The following ATAD1 variants were observed in gnomAD, a reference collection of about 807,000 sequenced individuals.
ATAD1 encodes ATPase family AAA domain containing 1.
In ATAD1, 18 loss-of-function variants were observed where a neutral mutation model predicts 42.7. The ratio of observed to expected loss-of-function variants is 0.42; its 90% confidence interval spans 0.29 to 0.63. The LOEUF is 0.63. Among genes scored for constraint, ATAD1 ranks in the 20% least tolerant of loss-of-function variants. The pLI is 0.19. For missense variants in ATAD1, 294 were observed against 440.4 expected (o/e 0.67, Z 2.98); for synonymous variants, 132 against 143.1 (o/e 0.92, Z 0.55).
At chr10:87,758,877 G>T (rs1409747828) in intron 8 of ATAD1, among the ~76,000 whole-genome samples, 1 of 152,136 alleles carries the variant, frequency 6.6e-6, no homozygotes. Flanking sequence ...AATACTGGAA[G>T]ATTTTTAACT....
intron 8 of ATAD1, among the ~76,000 whole-genome samples, chr10:87,760,859 C>CT (rs2131769001): frequency 6.6e-6 from 1 of 152,314 alleles, no homozygotes; most frequent in South Asian, 2.1e-4. Context: ...AGACGAAATA[C>CT]TTTTATAGGG....
intron 6 of ATAD1, among the ~76,000 whole-genome samples, chr10:87,771,644 T>A (rs1430902454): frequency 6.6e-6 from 1 of 151,820 alleles, no homozygotes; most frequent in East Asian, 1.9e-4. Flanking sequence ...TAAACAAAGA[T>A]AACAGAGTAT....
chr10:87,765,491 G>A (rs2131787120), intron 8 of ATAD1, among the ~76,000 whole-genome samples: 1 of 99,570 alleles, frequency 1.0e-5, no homozygotes. Context: ...TAGGGGGGGT[G>A]GGTGGGGGGG....
chr10:87,822,969 AAAAT>A (rs958739867), upstream of ATAD1, among the ~76,000 whole-genome samples: 3 of 152,026 alleles, frequency 2.0e-5, no homozygotes, highest in African/African-American at 7.2e-5. Context: ...GCTAAACTAA[AAAAT>A]AAAAATAAGA....
intron 1 of ATAD1, among the ~76,000 whole-genome samples, chr10:87,816,738 T>C (rs946747568): frequency 9.0e-4 from 137 of 152,242 alleles, no homozygotes; most frequent in Non-Finnish European, 7.3e-5. Context: ...CTAGTCTTTA[T>C]TCCACAAAGT....
rs1856959329 is a variant in ATAD1 at position 87,807,096 on chromosome 10, T to C, written c.162+7342A>G. On this transcript the variant is annotated intron_variant, in intron 2 of 9. Transcript: ENST00000680024. ...TATTGGTTGCATGCTTGATACATGTTAATAAACTTGTTTGTTTTTCTCTTG... is the reference window on the plus strand; with the variant it reads ...TATTGGTTGCATGCTTGATACATGTCAATAAACTTGTTTGTTTTTCTCTTG... 3.9e-5 allele frequency among the ~76,000 whole-genome samples: 6 copies of C among 152,220 alleles called. No homozygotes were observed. The South Asian group carries it at 1.2e-3, about 32-fold the overall frequency.
At position 87,758,703 on chromosome 10, in the gene ATAD1, G is replaced by T. The variant is rs1011819710; in HGVS notation, c.832-1781C>A. Among the ~76,000 whole-genome samples, 10 of 152,028 alleles carry T rather than the reference G, an allele frequency of 6.6e-5. No homozygotes were observed. In the East Asian group the frequency reaches 1.7e-3, roughly 26 times the overall value. On this transcript the variant is annotated intron_variant, in intron 8 of 9. Transcript: ENST00000680024. ...AGCTAATGTAGTTCTAGTTACATCA[G>T]ATTTTTACTCAAAATGCATAATTGA...
chr10:87,775,382 C>T (rs1267861449), intron 6 of ATAD1, among the ~76,000 whole-genome samples: 1 of 133,816 alleles, frequency 7.5e-6, no homozygotes, highest in East Asian at 2.1e-4. Flanking sequence ...CATCACACCA[C>T]TGTACTCCAG....
intron 4 of ATAD1, among the ~76,000 whole-genome samples, chr10:87,784,898 C>T (rs1220404215): frequency 6.6e-6 from 1 of 152,174 alleles, no homozygotes; most frequent in Non-Finnish European, 1.5e-5. Flanking sequence ...TGTGCCCTCT[C>T]CCTTCATGAA....
chr10:87,829,402 C>T (rs1156524357), intron 1 of ATAD1, among the ~76,000 whole-genome samples: 7 of 151,856 alleles, frequency 4.6e-5, no homozygotes, highest in Non-Finnish European at 1.0e-4. Flanking sequence ...ACTACAGGCA[C>T]GTGCCACGAT....
At chr10:87,789,783 C>A (rs1317452686) in intron 4 of ATAD1, among the ~76,000 whole-genome samples, 5 of 152,096 alleles carry the variant, frequency 3.3e-5, no homozygotes, top group African/African-American at 9.7e-5. Flanking sequence ...AAGAATTACA[C>A]TTAATGATGC....
At chr10:87,810,894 T>C (rs187350740) in intron 2 of ATAD1, among the ~76,000 whole-genome samples, 1 of 152,230 alleles carries the variant, frequency 6.6e-6, no homozygotes, top group Non-Finnish European at 1.5e-5. Context: ...TTTTGTATAC[T>C]GAGCCCCTCT....
chr10:87,788,895 A>T (rs182983751), intron 4 of ATAD1, among the ~76,000 whole-genome samples: 1,833 of 152,288 alleles, frequency 0.012, 23 homozygotes, highest in African/African-American at 0.036. Context: ...GCAGGGGGGA[A>T]ATCACAATAA....
At chr10:87,824,923 C>G (rs1857697543) in intron 1 of ATAD1, among the ~76,000 whole-genome samples, 1 of 152,120 alleles carries the variant, frequency 6.6e-6, no homozygotes, top group African/African-American at 2.4e-5. Flanking sequence ...TCCCTACGAC[C>G]CAAAGATAAT....
chr10:87,816,154 G>A (rs1273966336), intron 1 of ATAD1, among the ~76,000 whole-genome samples: 1 of 152,134 alleles, frequency 6.6e-6, no homozygotes, highest in Non-Finnish European at 1.5e-5. Context: ...TAAACAAGAT[G>A]TATATCTTAT....
At chr10:87,803,026 GA>G (rs1321178133) in intron 2 of ATAD1, among the ~76,000 whole-genome samples, 7 of 152,170 alleles carry the variant, frequency 4.6e-5, no homozygotes, top group Non-Finnish European at 8.8e-5. Flanking sequence ...AACTTCAGAA[GA>G]AAAGAACAGC....
intron 9 of ATAD1, among the ~76,000 whole-genome samples, chr10:87,755,287 A>G (rs921013858): frequency 6.6e-6 from 1 of 152,186 alleles, no homozygotes; most frequent in African/African-American, 2.4e-5. Flanking sequence ...ATTCTTCACT[A>G]TCAGTAAAAA....
At chr10:87,772,647 C>T (rs1450959852) in intron 6 of ATAD1, among the ~76,000 whole-genome samples, 1 of 151,932 alleles carries the variant, frequency 6.6e-6, no homozygotes, top group East Asian at 1.9e-4. Flanking sequence ...AATTTAAAAG[C>T]CAGTATAGAG....
At chr10:87,830,204 G>A (rs201131258) in intron 1 of ATAD1, among the ~76,000 whole-genome samples, 64 of 152,274 alleles carry the variant, frequency 4.2e-4, no homozygotes, top group African/African-American at 1.5e-3. Flanking sequence ...AGTATAGTAA[G>A]GGCCAGATCA....
Sources: gnomAD v4.1 joint callset for allele counts (sites outside exome capture counted in the v4.1 genomes callset) on GRCh38, gnomAD v4.1.1 for gene constraint, MANE v1.5 for transcripts, NCBI Gene and HGNC (gene_info 2026-07-23, HGNC 2026-07-21) for gene names.